RGS6: variants seen among roughly 807,000 people sequenced by gnomAD.
RGS6 encodes the protein regulator of G protein signaling 6, also known as regulator of G-protein signaling 6.
RGS6 carries 30 observed loss-of-function variants against 78.5 expected under a neutral mutation model. The observed-to-expected ratio is 0.38, with a 90% CI of 0.29 to 0.52. The LOEUF (loss-of-function observed/expected upper bound fraction) is 0.52. Among genes scored for constraint, RGS6 ranks in the 20% least tolerant of loss-of-function variants. RGS6 has a pLI of 0.85. For synonymous variants in RGS6, 206 were observed against 206.0 expected (o/e 1.00, Z 0.00); for missense variants, 495 against 609.7 (o/e 0.81, Z 1.98).
At chr14:72,018,497 T>A (rs530305604) in intron 2 of RGS6, among the ~76,000 whole-genome samples, 1 of 152,228 alleles carries the variant, frequency 6.6e-6, no homozygotes, top group Non-Finnish European at 1.5e-5. Flanking sequence ...TTTCTCAGAT[T>A]GGGCATTTCC....
At chr14:72,144,078 A>G (rs372954676) in intron 2 of RGS6, among the ~76,000 whole-genome samples, 1 of 152,170 alleles carries the variant, frequency 6.6e-6, no homozygotes, top group African/African-American at 2.4e-5. Flanking sequence ...ATCTTGAAAG[A>G]ATGATGCCCC....
rs967505576 is a variant in RGS6 at position 72,012,262 on chromosome 14, G to C, written c.84+47387G>C. 2.0e-5 allele frequency among the ~76,000 whole-genome samples: 3 copies of C among 152,226 alleles called. No individual in the cohort carries two copies. In the East Asian group the frequency reaches 5.8e-4, roughly 29 times the overall value. On this transcript the variant is annotated intron_variant, in intron 2 of 17. Transcript: ENST00000553525. ...ATCACCTGTGGTATGACCACTCAGA[G>C]GTAAGTATAATGAATGTTTTATTGT...
the RGS6 span, among the ~76,000 whole-genome samples, chr14:72,609,801 A>C: frequency 1.3e-5 from 2 of 152,260 alleles, no homozygotes; most frequent in Non-Finnish European, 2.9e-5. Context: ...TTGTCTCAAG[A>C]CCATTACACA....
At chr14:72,259,244 G>A (rs1411090913) in intron 2 of RGS6, among the ~76,000 whole-genome samples, 2 of 152,108 alleles carry the variant, frequency 1.3e-5, no homozygotes, top group Non-Finnish European at 2.9e-5. Flanking sequence ...ACATTTTTAA[G>A]TTTTCTTTCA....
At chr14:72,325,829 T>C (rs2073595751) in intron 2 of RGS6, among the ~76,000 whole-genome samples, 1 of 152,004 alleles carries the variant, frequency 6.6e-6, no homozygotes, top group Non-Finnish European at 1.5e-5. Context: ...TACTGAGAGA[T>C]GCTGATTTAA....
the RGS6 span, among the ~76,000 whole-genome samples, chr14:71,888,025 C>T: frequency 3.5e-4 from 54 of 152,278 alleles, no homozygotes; most frequent in African/African-American, 1.0e-3. Flanking sequence ...TCACCCCCGG[C>T]GGCCCAGCTG....
At chr14:72,403,695 A>G (rs2092672858) in intron 3 of RGS6, among the ~76,000 whole-genome samples, 1 of 152,138 alleles carries the variant, frequency 6.6e-6, no homozygotes, top group African/African-American at 2.4e-5. Context: ...TCAAAATACC[A>G]CTCTATACCC....
At chr14:72,134,319 ATGTGG>A (rs1369146932) in intron 2 of RGS6, among the ~76,000 whole-genome samples, 1 of 152,106 alleles carries the variant, frequency 6.6e-6, no homozygotes, top group Non-Finnish European at 1.5e-5. Flanking sequence ...TCTCTTTCAT[ATGTGG>A]TAGCCAATGC....
At chr14:72,391,528 T>G (rs899485179) in intron 3 of RGS6, among the ~76,000 whole-genome samples, 1 of 152,204 alleles carries the variant, frequency 6.6e-6, no homozygotes, top group Non-Finnish European at 1.5e-5. Flanking sequence ...TTAAATTCCT[T>G]TACTTCTCAC....
chr14:72,330,707 T>G (rs1039900037), intron 2 of RGS6, among the ~76,000 whole-genome samples: 13 of 152,304 alleles, frequency 8.5e-5, no homozygotes, highest in Middle Eastern at 6.8e-3. Context: ...ATTGCATGCT[T>G]GTCAGAATGA....
intron 3 of RGS6, among the ~76,000 whole-genome samples, chr14:72,402,380 C>A (rs1370850637): frequency 1.3e-5 from 2 of 152,110 alleles, no homozygotes; most frequent in Non-Finnish European, 2.9e-5. Flanking sequence ...TCTTTCCTAT[C>A]AAAGACAATG....
chr14:72,226,516 C>A (rs1317892634), intron 2 of RGS6, among the ~76,000 whole-genome samples: 1 of 152,168 alleles, frequency 6.6e-6, no homozygotes, highest in African/African-American at 2.4e-5. Context: ...GGGCCCAGAG[C>A]TGCCAATTTT....
intron 12 of RGS6, among the ~76,000 whole-genome samples, chr14:72,489,640 A>C (rs940159946): frequency 3.3e-5 from 5 of 152,108 alleles, no homozygotes; most frequent in African/African-American, 9.7e-5. Flanking sequence ...GTGAAGACAA[A>C]GACAGAGATG....
intron 2 of RGS6, among the ~76,000 whole-genome samples, chr14:71,969,940 T>C (rs1164460863): frequency 6.6e-6 from 1 of 152,188 alleles, no homozygotes. Context: ...TTTGAGCTTT[T>C]GAAGAAATAT....
At chr14:72,578,353 T>C in the RGS6 span, among the ~76,000 whole-genome samples, 17 of 152,158 alleles carry the variant, frequency 1.1e-4, no homozygotes, top group African/African-American at 4.1e-4. Context: ...CTCCTTCTCC[T>C]TCAGCCTCTC....
At chr14:72,507,241 A>C (rs993786944) in intron 13 of RGS6, among the ~76,000 whole-genome samples, 1 of 152,156 alleles carries the variant, frequency 6.6e-6, no homozygotes, top group Non-Finnish European at 1.5e-5. Flanking sequence ...ACAGAAACAC[A>C]GGAAGAGAGA....
intron 2 of RGS6, among the ~76,000 whole-genome samples, chr14:72,070,880 T>C (rs1323645140): frequency 6.6e-6 from 1 of 152,228 alleles, no homozygotes; most frequent in African/African-American, 2.4e-5. Context: ...ATATATGTTA[T>C]GTATACATAT....
At chr14:72,117,660 A>T (rs978115765) in intron 2 of RGS6, among the ~76,000 whole-genome samples, 1 of 152,148 alleles carries the variant, frequency 6.6e-6, no homozygotes, top group Non-Finnish European at 1.5e-5. Context: ...CAGCCACAAC[A>T]TGGGGGACCT....
intron 2 of RGS6, among the ~76,000 whole-genome samples, chr14:72,294,656 G>T (rs1374857231): frequency 6.6e-6 from 1 of 152,168 alleles, no homozygotes; most frequent in African/African-American, 2.4e-5. Context: ...ACTTAGAATG[G>T]TGGCTGAAGG....
Sources: gnomAD v4.1 joint callset for allele counts (sites outside exome capture counted in the v4.1 genomes callset) on GRCh38, gnomAD v4.1.1 for gene constraint, MANE v1.5 for transcripts, NCBI Gene and HGNC (gene_info 2026-07-23, HGNC 2026-07-21) for gene names.